The following ERBB4 variants were observed in gnomAD, a reference collection of about 807,000 sequenced individuals.
The protein encoded by ERBB4 is receptor tyrosine-protein kinase erbB-4.
Under a neutral mutation model 158.0 loss-of-function variants are expected in ERBB4, and 42 were observed. That is an observed-to-expected ratio of 0.27 (90% CI 0.21 to 0.34). The LOEUF (loss-of-function observed/expected upper bound fraction) is 0.34, where lower values mean the gene tolerates loss of function less well. Ranked by LOEUF, ERBB4 falls within the 10% of genes least tolerant of loss-of-function variation. ERBB4 has a pLI of 1.00. For synonymous variants in ERBB4, 583 were observed against 558.7 expected (o/e 1.04, Z -0.61); for missense variants, 1,333 against 1,624.1 (o/e 0.82, Z 3.08).
At chr2:211,736,348 T>C (rs1490983541) in intron 5 of ERBB4, among the ~76,000 whole-genome samples, 1 of 152,210 alleles carries the variant, frequency 6.6e-6, no homozygotes, top group African/African-American at 2.4e-5. Context: ...GCCTAATCAG[T>C]GCAAGAGCAT....
chr2:211,822,671 T>G (rs1350273772), intron 3 of ERBB4, among the ~76,000 whole-genome samples: 2 of 152,032 alleles, frequency 1.3e-5, no homozygotes, highest in Admixed American at 1.3e-4. Flanking sequence ...TTTCAGAAGT[T>G]GGGGAGATTT....
At chr2:211,796,827 G>C (rs2076392127) in intron 3 of ERBB4, among the ~76,000 whole-genome samples, 1 of 151,782 alleles carries the variant, frequency 6.6e-6, no homozygotes, top group Non-Finnish European at 1.5e-5. Flanking sequence ...TAAGTTATTG[G>C]CAAACAATTT....
At chr2:212,089,855 T>C (rs2078722278) in intron 2 of ERBB4, among the ~76,000 whole-genome samples, 2 of 152,280 alleles carry the variant, frequency 1.3e-5, no homozygotes, top group Middle Eastern at 6.8e-3. Context: ...ATATAATAGG[T>C]GAATCTTATG....
chr2:211,580,821 ATATTATATATATAGAT>A (rs1559317195), intron 19 of ERBB4, among the ~76,000 whole-genome samples: 9 of 17,582 alleles, frequency 5.1e-4, no homozygotes, highest in African/African-American at 7.5e-4. Context: ...TAATATATAT[ATATTATATATATAGAT>A]TATATATTAT....
chr2:211,873,595 A>G (rs1473161765), intron 3 of ERBB4, among the ~76,000 whole-genome samples: 2 of 151,964 alleles, frequency 1.3e-5, no homozygotes, highest in Admixed American at 1.3e-4. Flanking sequence ...CCAACTGGCA[A>G]TTTTCACTAA....
intron 3 of ERBB4, among the ~76,000 whole-genome samples, chr2:211,886,232 A>T (rs73073332): frequency 0.14 from 21,440 of 152,050 alleles, 1,870 homozygotes; most frequent in African/African-American, 0.24. Flanking sequence ...ATTTTCCCTG[A>T]CCATCCTATT....
intron 25 of ERBB4, among the ~76,000 whole-genome samples, chr2:211,409,724 T>TG (rs1191385536): frequency 1.3e-4 from 20 of 152,114 alleles, no homozygotes; most frequent in African/African-American, 4.8e-4. Context: ...TGACCAGGGG[T>TG]GGGGGGAACC....
In ERBB4 at chr2:211,392,558, C is replaced by CCGCACACA. The variant is rs767854845; in HGVS notation, c.3136-4567_3136-4566insTGTGTGCG. On this transcript the variant is annotated intron_variant, in intron 25 of 27. Coordinates refer to ENST00000342788, the MANE Select transcript of ERBB4 (RefSeq NM_005235.3). ...ACTTTTTTGAAAAAACTCTCTTACT[C>CCGCACACA]CACACACACACACACACACACACAC... 1.2e-3 allele frequency among the ~76,000 whole-genome samples: 176 copies of CCGCACACA among 141,010 alleles called. 2 individuals carry two copies. In the East Asian group the frequency reaches 0.02, roughly 16 times the overall value. The allele number at this position is 141,010 out of a possible 152,430, so 92.5% of individuals were successfully genotyped here.
At chr2:211,440,465 A>G (rs572369227) in intron 20 of ERBB4, among the ~76,000 whole-genome samples, 8 of 152,328 alleles carry the variant, frequency 5.3e-5, no homozygotes, top group African/African-American at 1.7e-4. Flanking sequence ...CATATTGTGC[A>G]AATGCATTCA....
chr2:212,313,782 C>A (rs140464865), intron 1 of ERBB4, among the ~76,000 whole-genome samples: 3 of 150,984 alleles, frequency 2.0e-5, no homozygotes, highest in Non-Finnish European at 3.0e-5. Context: ...AAAAATTTGT[C>A]TTTATTCTTA....
intron 3 of ERBB4, among the ~76,000 whole-genome samples, chr2:211,858,740 G>A (rs185688526): frequency 2.4e-4 from 36 of 152,230 alleles, no homozygotes; most frequent in African/African-American, 7.9e-4. Flanking sequence ...AATCTGGCAT[G>A]TTGTATGGTG....
At chr2:211,489,497 T>C (rs1038920521) in intron 20 of ERBB4, among the ~76,000 whole-genome samples, 2 of 152,036 alleles carry the variant, frequency 1.3e-5, no homozygotes, top group South Asian at 2.1e-4. Context: ...CTGGCTATTA[T>C]AGTTATTATA....
chr2:212,538,375 G>A (rs1693226749), intron 1 of ERBB4, 74 bp downstream of exon 1: 4 of 1,322,014 alleles, frequency 3.0e-6, no homozygotes, highest in Non-Finnish European at 3.3e-6. Flanking sequence ...TGGGTGAAGA[G>A]GGCAGGGGAG....
chr2:211,877,502 C>T (rs1002652630), intron 3 of ERBB4, among the ~76,000 whole-genome samples: 1 of 151,996 alleles, frequency 6.6e-6, no homozygotes, highest in Non-Finnish European at 1.5e-5. Context: ...ATCTATTATT[C>T]AAGCATACTT....
chr2:212,372,744 G>A (rs10180001), intron 1 of ERBB4, among the ~76,000 whole-genome samples: 12,457 of 152,070 alleles, frequency 0.082, 619 homozygotes, highest in Non-Finnish European at 0.11. Context: ...GCGAGACTCC[G>A]TCTCAAAACA....
chr2:212,531,058 A>G (rs928797829), intron 1 of ERBB4, among the ~76,000 whole-genome samples: 6 of 152,142 alleles, frequency 3.9e-5, no homozygotes, highest in Non-Finnish European at 7.4e-5. Context: ...AAATAATGTG[A>G]TTAATAGTAA....
intron 20 of ERBB4, among the ~76,000 whole-genome samples, chr2:211,507,579 C>A (rs752890191): frequency 6.6e-6 from 1 of 151,994 alleles, no homozygotes; most frequent in Non-Finnish European, 1.5e-5. Flanking sequence ...ATAGAGAACC[C>A]AGAAATAATC....
chr2:212,323,091 A>G (rs766156525), intron 1 of ERBB4, among the ~76,000 whole-genome samples: 2 of 150,568 alleles, frequency 1.3e-5, no homozygotes, highest in Non-Finnish European at 3.0e-5. Flanking sequence ...AGAAATACCT[A>G]TCCAATGAAA....
chr2:211,741,162 C>T (rs1474951022), intron 5 of ERBB4, among the ~76,000 whole-genome samples: 1 of 152,020 alleles, frequency 6.6e-6, no homozygotes, highest in Non-Finnish European at 1.5e-5. Flanking sequence ...GAAATTTTCT[C>T]TTTGATAGTC....
Sources: allele counts gnomAD v4.1 joint callset (sites outside exome capture counted in the v4.1 genomes callset), GRCh38; gene constraint gnomAD v4.1.1; transcripts MANE v1.5; gene names NCBI Gene and HGNC (gene_info 2026-07-23, HGNC 2026-07-21).